CDAN1: variants seen among roughly 807,000 people sequenced by gnomAD.
CDAN1 encodes the protein codanin-1.
CDAN1 carries 107 observed loss-of-function variants against 139.8 expected under a neutral mutation model. That is an observed-to-expected ratio of 0.77 (90% CI 0.65 to 0.90). The LOEUF (loss-of-function observed/expected upper bound fraction) is 0.90, where lower values mean the gene tolerates loss of function less well. Among genes scored for constraint, CDAN1 ranks in the 40% least tolerant of loss-of-function variants. The pLI is 0.00. For missense variants in CDAN1, 1,667 were observed against 1,575.7 expected, an observed-to-expected ratio of 1.06 and a Z score of -0.98; for synonymous variants, 776 against 660.6, an observed-to-expected ratio of 1.17 and a Z score of -2.68.
In CDAN1 at chr15:42,731,234, C is replaced by T. The variant is rs1479478037; in HGVS notation, c.1837G>A (p.Gly613Arg). The T allele has an allele frequency of 1.5e-5, 25 of 1,614,092 alleles. No individual in the cohort carries two copies. In the Middle Eastern group the frequency reaches 4.9e-4, roughly 32 times the overall value. The part of the protein sequence containing the change: ...LPQHEPNDED[G>R]ESDVDWQGER... ...ACCTGCCAGTCTACGTCTGACTCCCCGTCTTCATCATTGGGCTCATGCTGG... is the reference window on the plus strand; with the variant it reads ...ACCTGCCAGTCTACGTCTGACTCCCTGTCTTCATCATTGGGCTCATGCTGG... The change falls in exon 12 of 28, where the codon GGG becomes AGG. Residue 613 changes from glycine (G) to arginine (R), a missense_variant. Coordinates refer to ENST00000356231, the MANE Select transcript of CDAN1 (RefSeq NM_138477.4).
rs2061687362 is a variant in CDAN1 at position 42,736,352 on chromosome 15, G to A, written c.519C>T (p.Ser173=). The stretch of plus-strand genomic sequence containing the variant: ...CTACGGGAGGGAACTCCTCCAGGTT[G>A]CTGAGGTTTGGCGGATCAGACAGCG... The part of the protein sequence containing the change: ...SLTLSDPPNL[S]NLEEFPPVGS... The change falls in exon 2 of 28, where the codon AGC becomes AGT. Residue 173 remains serine, a synonymous_variant. Transcript: ENST00000356231. The A allele has an allele frequency of 6.2e-7, 1 of 1,613,956 alleles. No individual in the cohort carries two copies. The highest frequency in any genetic ancestry group is 8.5e-7 in the Non-Finnish European group (1 of 1,180,020).
At position 42,737,069 on chromosome 15, in the gene CDAN1, C is replaced by G. The variant is rs867838112; in HGVS notation, c.34G>C (p.Glu12Gln). ...CGCACGACGGCTGCGACCGACACCT[C>G]TTCTCGCAGCAGCGACTCCAAAACG... Reference protein sequence around the residue: ...AAVLESLLREEVSVAAVVRWI... With the variant: ...AAVLESLLREQVSVAAVVRWI... Residue 12 changes from glutamate to glutamine, a missense_variant, in exon 1 of 28, where the codon GAG (glutamate) becomes CAG (glutamine). Physicochemically the swap from Glu to Gln is conservative, Grantham distance 29. Around this residue, in one of 3 missense-constraint regions of CDAN1, gnomAD observed 487 missense variants for 422.2 expected, o/e 1.15. Transcript: ENST00000356231. The G allele has an allele frequency of 1.3e-6, 2 of 1,536,886 alleles. No homozygotes were observed. The highest frequency in any genetic ancestry group is 1.2e-5 in the South Asian group (1 of 82,748).
chr15:42,724,509 A>G lies in CDAN1; in HGVS notation c.3666T>C (p.Thr1222=), dbSNP rs77191722. 962 of 1,575,848 alleles carry G rather than the reference A, an allele frequency of 6.1e-4. 2 individuals are homozygous for G. In the African/African-American group the frequency reaches 0.012, roughly 19 times the overall value. Residue 1222 remains threonine, a synonymous_variant, in exon 28 of 28, where the codon ACT becomes ACC. Transcript: ENST00000356231. ...CTCAGCCCTAGCTCTGGGCCAGCAC[A>G]GTGCCCCGGTTTGGCTGCACCAACT... is the stretch of plus-strand genomic sequence containing the variant. ...ACELVQPNRG[T]VLAQS
In CDAN1 at chr15:42,730,947, G is replaced by A; in HGVS notation, c.1985C>T (p.Ser662Phe). The change falls in exon 13 of 28, where the codon TCC becomes TTC. Residue 662 changes from serine (S) to phenylalanine (F), a missense_variant. This residue lies in a region of CDAN1 where 936 missense variants were observed against 844.1 expected (regional missense o/e 1.11). Transcript: ENST00000356231. ...CACCTGGCTCCTGAGGGCCAGAATG[G>A]AGTCCTGAAGCTCACCGGTCGGGGG... ...EPPPTGELQD[S>F]ILALRSQVPP... The A allele has an allele frequency of 6.2e-7, 1 of 1,614,172 alleles. No homozygotes were observed. Among genetic ancestry groups the A allele is most frequent in the Non-Finnish European group, 8.5e-7 (1 of 1,180,030 alleles).
intron 6 of CDAN1, among the ~76,000 whole-genome samples, 177 bp downstream of exon 6, chr15:42,734,923 C>G (rs2061667791): frequency 6.6e-6 from 1 of 151,906 alleles, no homozygotes; most frequent in Admixed American, 6.5e-5. Flanking sequence ...CTGGCCCGAT[C>G]TCAATTCTTT....
intron 21 of CDAN1, 76 bp from the exon 22 acceptor site, chr15:42,728,109 CCCCG>C: frequency 6.3e-7 from 1 of 1,583,654 alleles, no homozygotes; most frequent in Non-Finnish European, 8.7e-7. Flanking sequence ...CGAGCACTGA[CCCCG>C]CCCCCACACA....
At chr15:42,724,793 G>A (rs2061500829) in intron 27 of CDAN1, 177 bp from the exon 28 acceptor site, 1 of 819,820 alleles carries the variant, frequency 1.2e-6, no homozygotes. Context: ...CTGAAGTTAT[G>A]GCAGGGAGCG....
chr15:42,736,525 C>T lies in CDAN1; in HGVS notation c.346G>A (p.Ala116Thr). 1 of 1,451,198 alleles carries T rather than the reference C, an allele frequency of 6.9e-7. No individual in the cohort carries two copies. The highest frequency in any genetic ancestry group is 1.5e-5 in the African/African-American group (1 of 66,978). The allele number at this position is 1,451,198 out of a possible 1,614,324, so 89.9% of individuals were successfully genotyped here. The change falls in exon 2 of 28, where the codon GCC becomes ACC. Residue 116 changes from alanine to threonine, a missense_variant. By Grantham distance (58) the Ala-to-Thr change is moderately conservative (BLOSUM62 0). Transcript: ENST00000356231. Reference protein sequence around the residue: ...AQSTAAEAPLARRGGRRRGPG... With the variant: ...AQSTAAEAPLTRRGGRRRGPG... ...CCCCGCCTCCTGCCCCCGCGGCGGG[C>T]CAGAGGGGCCTCGGCAGCGGTGCTC... is the stretch of plus-strand genomic sequence containing the variant.
At position 42,728,803 on chromosome 15, in the gene CDAN1, G is replaced by C. The variant is rs780031588; in HGVS notation, c.2653C>G (p.Leu885Val). 6.2e-7 allele frequency: 1 copy of C among 1,614,210 alleles called. No individual in the cohort carries two copies. The highest frequency in any genetic ancestry group is 8.5e-7 in the Non-Finnish European group (1 of 1,180,026). The change falls in exon 20 of 28, where the codon CTG (leucine) becomes GTG (valine). Residue 885 changes from leucine (L) to valine (V), a missense_variant. Leu to Val is a conservative substitution (Grantham distance 32). Coordinates refer to ENST00000356231, the MANE Select transcript of CDAN1 (RefSeq NM_138477.4). ...SNCVKHIKATLVADLVRQAES... is the reference protein window; with the variant it reads ...SNCVKHIKATVVADLVRQAES... The stretch of plus-strand genomic sequence containing the variant: ...GCCTGGCGCACCAGATCTGCCACCA[G>C]TGTAGCCCTGCAGCAGGGACAGCAA...
chr15:42,725,466 G>A (rs1196264382), intron 26 of CDAN1, 23 bp downstream of exon 26: 1 of 1,613,904 alleles, frequency 6.2e-7, no homozygotes, highest in African/African-American at 1.3e-5. Context: ...ACTGCAGAGG[G>A]CTTCTTGTTC....
chr15:42,731,397 G>C (rs759040117), intron 11 of CDAN1, 66 bp from the exon 12 acceptor site: 35 of 1,605,532 alleles, frequency 2.2e-5, no homozygotes, highest in Non-Finnish European at 2.7e-5. Context: ...GAATCGAGAA[G>C]GGGCACTCCA....
rs913125971 is a variant in CDAN1, at chr15:42,730,152, A to G, written c.2238T>C (p.Leu746=). The G allele has an allele frequency of 1.9e-6, 3 of 1,614,084 alleles. No individual in the cohort carries two copies. The highest frequency in any genetic ancestry group is 2.5e-6 in the Non-Finnish European group (3 of 1,180,056). The change falls in exon 15 of 28, where the codon CTT becomes CTC. Residue 746 remains leucine, a synonymous_variant. Transcript: ENST00000356231. The stretch of plus-strand genomic sequence containing the variant: ...CCTGGAAAAGCCAGCCCAGGACAGC[A>G]AGTAGCAGCAGCTTGTTCAGGAAAC... ...KMCFLNKLLL[L]AVLGWLFQIP...
In CDAN1 at chr15:42,736,562, C is replaced by A. The variant is rs575562332; in HGVS notation, c.309G>T (p.Pro103=). The change falls in exon 2 of 28, where the codon CCG becomes CCT. Residue 103 remains proline (P), a synonymous_variant. Coordinates refer to ENST00000356231, the MANE Select transcript of CDAN1 (RefSeq NM_138477.4). ...CGGCAGCGGTGCTCTGGGCCTCGGT[C>A]GGAGGGAAAAGCTGGCTGCGCGCCC... The part of the protein sequence containing the change: ...SRGARSQLFP[P]TEAQSTAAEA... The A allele has an allele frequency of 5.8e-4, 866 of 1,485,620 alleles. 2 individuals carry two copies. In the African/African-American group the frequency reaches 0.011, roughly 19 times the overall value. 92.0% of individuals were successfully genotyped at this position (1,485,620 alleles called of 1,614,324 possible). A position where few individuals can be genotyped will look rare whatever the true frequency, so the allele number is the denominator to read the frequency against.
intron 7 of CDAN1, 24 bp downstream of exon 7, chr15:42,734,202 G>A: frequency 1.2e-6 from 2 of 1,614,040 alleles, no homozygotes; most frequent in Non-Finnish European, 1.7e-6. Flanking sequence ...CCAGGCTAGT[G>A]GGCAACTAAG....
intron 23 of CDAN1, 73 bp downstream of exon 23, chr15:42,727,548 G>A: frequency 7.3e-7 from 1 of 1,376,084 alleles, no homozygotes; most frequent in Non-Finnish European, 9.7e-7. Flanking sequence ...GAGCTGATGT[G>A]AGAAAGGAAA....
chr15:42,732,224 C>T (rs924793268), intron 10 of CDAN1, 109 bp downstream of exon 10: 9 of 1,070,612 alleles, frequency 8.4e-6, no homozygotes, highest in Non-Finnish European at 1.3e-5. Context: ...GTTCAAATTC[C>T]AGCCCAGGAC....
chr15:42,734,430 C>CT lies in CDAN1; in HGVS notation c.1137-85dup, dbSNP rs148680298. On this transcript the variant is annotated intron_variant, in intron 6 of 27. Coordinates refer to ENST00000356231, the MANE Select transcript of CDAN1 (RefSeq NM_138477.4). Reference sequence around the variant, plus strand: ...AGCACCTGCACACCACAGAGGATCTCTAAGGCATGGCGCAGGTATGCAAGC... The same window carrying CT: ...AGCACCTGCACACCACAGAGGATCTCTTAAGGCATGGCGCAGGTATGCAAGC... 0.018 allele frequency: 28,552 copies of CT among 1,566,198 alleles called. 1,896 individuals are homozygous for CT. In the African/African-American group the frequency reaches 0.19, roughly 11 times the overall value.
Position 42,729,610 on chromosome 15 carries a change from C to G in CDAN1, c.2365G>C (p.Val789Leu), listed in dbSNP as rs766323404. 1.9e-6 allele frequency: 3 copies of G among 1,614,168 alleles called. No homozygotes were observed. The highest frequency in any genetic ancestry group is 2.5e-6 in the Non-Finnish European group (3 of 1,180,024). The stretch of plus-strand genomic sequence containing the variant: ...GTGTAGAGCAGCTGCTGGTCCACCA[C>G]AGGCGCATTGTCCTGGGGAGAAAAG... ...APEHGLDNAP[V>L]VDQQLLYTCC... The change falls in exon 17 of 28, where the codon GTG becomes CTG. Residue 789 changes from valine (V) to leucine (L), a missense_variant. Transcript: ENST00000356231.
chr15:42,726,448 C>T (rs372937659), intron 23 of CDAN1, 31 bp from the exon 24 acceptor site: 44 of 1,516,542 alleles, frequency 2.9e-5, no homozygotes, highest in Middle Eastern at 1.7e-4. Context: ...TATCACCTTG[C>T]GCTGGGGGCC....
Sources: gnomAD v4.1 joint callset for allele counts (sites outside exome capture counted in the v4.1 genomes callset) on GRCh38, gnomAD v4.1.1 for gene constraint, gnomAD v4.1.1 regional missense constraint, MANE v1.5 for transcripts, NCBI Gene and HGNC (gene_info 2026-07-23, HGNC 2026-07-21) for gene names.